Variants in ANTXR1 observed in about 807,000 individuals in gnomAD.
ANTXR1 encodes anthrax toxin receptor 1.
A neutral mutation model predicts 78.1 loss-of-function variants in ANTXR1; 19 were observed. That is an observed-to-expected ratio of 0.24 (90% CI 0.17 to 0.36). The LOEUF (loss-of-function observed/expected upper bound fraction) is 0.36, where lower values mean the gene tolerates loss of function less well. ANTXR1 is among the 10% of genes least tolerant of loss of function. ANTXR1 has a pLI of 1.00. For missense variants in ANTXR1, 518 were observed against 718.6 expected (o/e 0.72, Z 3.19); for synonymous variants, 273 against 260.5 (o/e 1.05, Z -0.46).
At chr2:69,189,321 T>G (rs896735879) in intron 16 of ANTXR1, among the ~76,000 whole-genome samples, 9 of 152,302 alleles carry the variant, frequency 5.9e-5, no homozygotes, top group Admixed American at 3.9e-4. Flanking sequence ...ACTAATGCCT[T>G]TATTATTGAT....
chr2:69,151,186 CT>C (rs59147668), intron 12 of ANTXR1, among the ~76,000 whole-genome samples: 257 of 82,548 alleles, frequency 3.1e-3, no homozygotes, highest in African/African-American at 9.7e-3. Context: ...TGATTATTTT[CT>C]TTTTTTTTTT....
chr2:69,134,234 G>A (rs1044453959), intron 12 of ANTXR1, among the ~76,000 whole-genome samples: 4 of 152,242 alleles, frequency 2.6e-5, no homozygotes, highest in Middle Eastern at 3.4e-3. Context: ...TACCAAATAC[G>A]GTATGTTATG....
At chr2:69,117,101 T>C (rs2104358862) in intron 10 of ANTXR1, among the ~76,000 whole-genome samples, 1 of 152,352 alleles carries the variant, frequency 6.6e-6, no homozygotes, top group South Asian at 2.1e-4. Flanking sequence ...GAACCTTTTC[T>C]TCAAGCTCTT....
At chr2:69,226,871 C>T (rs1024338531) in intron 17 of ANTXR1, among the ~76,000 whole-genome samples, 53 of 152,130 alleles carry the variant, frequency 3.5e-4, no homozygotes, top group African/African-American at 1.2e-3. Flanking sequence ...ATTCCTCTTA[C>T]AGTCTCAATA....
chr2:69,164,190 G>A (rs545489650), intron 13 of ANTXR1, among the ~76,000 whole-genome samples: 2 of 152,264 alleles, frequency 1.3e-5, no homozygotes, highest in African/African-American at 2.4e-5. Flanking sequence ...ATGAAAGGGG[G>A]TATAGGTGGT....
In ANTXR1 at chr2:69,245,426, G is replaced by A; in HGVS notation, c.1636G>A (p.Ala546Thr). The change falls in exon 18 of 18, where the codon GCT becomes ACT. Residue 546 changes from alanine to threonine, a missense_variant. By Grantham distance (58) the Ala-to-Thr change is moderately conservative (BLOSUM62 0). Around this residue, in one of 5 missense-constraint regions of ANTXR1, gnomAD observed 192 missense variants for 230.2 expected, o/e 0.83. Coordinates refer to ENST00000303714, the MANE Select transcript of ANTXR1 (RefSeq NM_032208.3). The part of the protein sequence containing the change: ...PPSTLPPPPQ[A>T]PPPNRAPPPS... The stretch of plus-strand genomic sequence containing the variant: ...TTCCACCCTTCCCCCTCCTCCCCAG[G>A]CTCCACCTCCCAACAGGGCACCTCC... 1 of 1,508,866 alleles carries A rather than the reference G, an allele frequency of 6.6e-7. No homozygotes were observed. Among genetic ancestry groups the A allele is most frequent in the Non-Finnish European group, 8.9e-7 (1 of 1,119,084 alleles). The allele number at this position is 1,508,866 out of a possible 1,614,324, so 93.5% of individuals were successfully genotyped here.
intron 17 of ANTXR1, among the ~76,000 whole-genome samples, chr2:69,223,222 C>T (rs1218326729): frequency 6.6e-6 from 1 of 152,182 alleles, no homozygotes; most frequent in African/African-American, 2.4e-5. Context: ...GCTATACAGA[C>T]TCATGTGACC....
chr2:69,205,043 G>A (rs780021556), intron 17 of ANTXR1, among the ~76,000 whole-genome samples: 153 of 152,294 alleles, frequency 1.0e-3, no homozygotes, highest in African/African-American at 3.4e-3. Flanking sequence ...TGAACAAGGC[G>A]AGATCCCTGC....
intron 14 of ANTXR1, chr2:69,172,458 G>T: frequency 6.4e-7 from 1 of 1,565,328 alleles, no homozygotes. Flanking sequence ...TTTATACAAT[G>T]CTCTGAAAAT....
At chr2:69,197,975 G>A (rs1674701384) in intron 17 of ANTXR1, among the ~76,000 whole-genome samples, 1 of 152,066 alleles carries the variant, frequency 6.6e-6, no homozygotes, top group African/African-American at 2.4e-5. Flanking sequence ...ACATATCCTT[G>A]AATAATATCA....
At chr2:69,207,432 G>C (rs1221998568) in intron 17 of ANTXR1, among the ~76,000 whole-genome samples, 1 of 152,144 alleles carries the variant, frequency 6.6e-6, no homozygotes, top group Non-Finnish European at 1.5e-5. Context: ...GATGTGATTT[G>C]ACTTTTTGTG....
intron 13 of ANTXR1, among the ~76,000 whole-genome samples, chr2:69,167,651 G>T (rs1025028817): frequency 2.0e-5 from 3 of 152,192 alleles, no homozygotes; most frequent in African/African-American, 7.2e-5. Flanking sequence ...AGCTTTCGGT[G>T]CATGGGCTTG....
At chr2:69,015,961 G>T (rs769353002) in intron 1 of ANTXR1, among the ~76,000 whole-genome samples, 11 of 148,326 alleles carry the variant, frequency 7.4e-5, no homozygotes, top group Non-Finnish European at 1.5e-4. Context: ...ATTAATCAAA[G>T]AAATGAAAAA....
intron 13 of ANTXR1, among the ~76,000 whole-genome samples, chr2:69,163,122 T>C (rs1673727993): frequency 6.6e-6 from 1 of 152,084 alleles, no homozygotes; most frequent in Admixed American, 6.5e-5. Flanking sequence ...GTGAAGTTTC[T>C]TAGTTGACGT....
chr2:69,227,590 C>CT (rs1436490623), intron 17 of ANTXR1, among the ~76,000 whole-genome samples: 1 of 152,104 alleles, frequency 6.6e-6, no homozygotes, highest in Admixed American at 6.6e-5. Context: ...AACTATCGAA[C>CT]TTTTTTTTCC....
intron 12 of ANTXR1, among the ~76,000 whole-genome samples, chr2:69,133,159 A>T (rs1672806606): frequency 6.6e-6 from 1 of 152,210 alleles, no homozygotes; most frequent in African/African-American, 2.4e-5. Context: ...AGGTATAACA[A>T]GTAGGCAGCT....
intron 10 of ANTXR1, among the ~76,000 whole-genome samples, chr2:69,114,939 T>C (rs1405656778): frequency 2.0e-5 from 3 of 152,126 alleles, no homozygotes; most frequent in Non-Finnish European, 2.9e-5. Context: ...AACTACAGAG[T>C]TATATCTGTA....
rs186925361 is a variant in ANTXR1, at chr2:69,102,410, G to A, written c.704-432G>A. On this transcript the variant is annotated intron_variant, in intron 9 of 17. Transcript: ENST00000303714. ...GTGGGCTCTTAAGAAATCCTTTCAG[G>A]GGAGTACAATGTGCAAAACAGACAC... Among the ~76,000 whole-genome samples the A allele has an allele frequency of 2.8e-4, 43 of 152,336 alleles. No individual in the cohort carries two copies. The East Asian group carries it at 7.7e-3, about 27-fold the overall frequency.
chr2:69,206,452 G>A (rs758751048), intron 17 of ANTXR1, among the ~76,000 whole-genome samples: 13 of 152,282 alleles, frequency 8.5e-5, no homozygotes, highest in South Asian at 2.1e-4. Context: ...AAAGTCCACC[G>A]TGGAATCATC....
Sources: allele counts gnomAD v4.1 joint callset (sites outside exome capture counted in the v4.1 genomes callset), GRCh38; gene constraint gnomAD v4.1.1; regional missense constraint gnomAD v4.1.1; transcripts MANE v1.5; gene names NCBI Gene and HGNC (gene_info 2026-07-23, HGNC 2026-07-21).